ARHGAP42: variants seen among roughly 807,000 people sequenced by gnomAD.
ARHGAP42 encodes the protein rho GTPase-activating protein 42.
A neutral mutation model predicts 125.0 loss-of-function variants in ARHGAP42; 63 were observed. The ratio of observed to expected loss-of-function variants is 0.50; its 90% CI spans 0.41 to 0.62. The LOEUF is 0.62. Among genes scored for constraint, ARHGAP42 ranks in the 20% least tolerant of loss-of-function variants. ARHGAP42 has a pLI of 0.00. For missense variants in ARHGAP42, 766 were observed against 1,024.2 expected, an observed-to-expected ratio of 0.75 and a Z score of 3.44; for synonymous variants, 339 against 351.0, an observed-to-expected ratio of 0.97 and a Z score of 0.38.
Position 100,927,623 on chromosome 11 carries a change from G to T in ARHGAP42, c.598-5533G>T, listed in dbSNP as rs142622458. Reference sequence around the variant, plus strand: ...AGCTTCTGCTGGGCTTTATCAGCTTGCTGGTGACAGTACTTTCTCTATTAC... The same window carrying T: ...AGCTTCTGCTGGGCTTTATCAGCTTTCTGGTGACAGTACTTTCTCTATTAC... On this transcript the variant is annotated intron_variant, in intron 6 of 23. Coordinates refer to ENST00000298815, the MANE Select transcript of ARHGAP42 (RefSeq NM_152432.4). Among the ~76,000 whole-genome samples, 931 of 152,218 alleles carry T rather than the reference G, an allele frequency of 6.1e-3. 5 individuals carry two copies. The highest frequency in any genetic ancestry group is 0.021 in the African/African-American group (891 of 41,548).
Position 100,921,548 on chromosome 11 carries a change from T to C in ARHGAP42, c.541T>C (p.Tyr181His). 1 of 1,547,358 alleles carries C rather than the reference T, an allele frequency of 6.5e-7. No homozygotes were observed. The change falls in exon 6 of 24, where the codon TAT becomes CAT. Residue 181 changes from tyrosine (Y) to histidine (H), a missense_variant. This residue lies in a region of ARHGAP42 where 455 missense variants were observed against 636.5 expected (regional missense o/e 0.71). Coordinates refer to ENST00000298815, the MANE Select transcript of ARHGAP42 (RefSeq NM_152432.4). ...GAACTTCTATGAAGCATCATTAGAA[T>C]ATGTCTTTAAAATTCAAGAGGTCCA... ...HQNFYEASLE[Y>H]VFKIQEVQEK...
intron 3 of ARHGAP42, among the ~76,000 whole-genome samples, chr11:100,841,773 G>A (rs1355665921): frequency 6.6e-6 from 1 of 152,142 alleles, no homozygotes; most frequent in Non-Finnish European, 1.5e-5. Flanking sequence ...AGGCGGTTGA[G>A]GAGTTCTTGT....
At chr11:100,832,519 T>G (rs758081708) in intron 3 of ARHGAP42, among the ~76,000 whole-genome samples, 2 of 152,220 alleles carry the variant, frequency 1.3e-5, no homozygotes, top group Admixed American at 6.5e-5. Flanking sequence ...AATCTAAAAG[T>G]CTTCCTAACA....
chr11:100,744,649 T>C (rs1298038685), intron 1 of ARHGAP42, among the ~76,000 whole-genome samples: 2 of 152,224 alleles, frequency 1.3e-5, no homozygotes, highest in African/African-American at 4.8e-5. Context: ...CTAATTTGGC[T>C]CTTGCTTTTG....
rs2135339198 is a variant in ARHGAP42, at chr11:100,989,063, C to G, written c.*262C>G. 1 of 469,960 alleles carries G rather than the reference C, an allele frequency of 2.1e-6. No individual in the cohort carries two copies. The highest frequency in any genetic ancestry group is 5.6e-5 in the South Asian group (1 of 17,810). The allele number at this position is 469,960 out of a possible 1,614,324, so 29.1% of individuals were successfully genotyped here. A position where few individuals can be genotyped will look rare whatever the true frequency, so the allele number is the denominator to read the frequency against. On this transcript the variant is annotated 3_prime_UTR_variant, in exon 24 of 24. Coordinates refer to ENST00000298815, the MANE Select transcript of ARHGAP42 (RefSeq NM_152432.4). Reference sequence around the variant, plus strand: ...TTTTTGGATAATATGTAACTCTCCACAATGTCGCTTCCGTAGCAATTGTAG... The same window carrying G: ...TTTTTGGATAATATGTAACTCTCCAGAATGTCGCTTCCGTAGCAATTGTAG...
chr11:100,822,870 C>G (rs982978976), intron 3 of ARHGAP42, among the ~76,000 whole-genome samples: 2 of 152,046 alleles, frequency 1.3e-5, no homozygotes, highest in Non-Finnish European at 2.9e-5. Context: ...ACATATTTAT[C>G]CATATATAGC....
At chr11:100,844,211 T>C (rs1382236374) in intron 3 of ARHGAP42, among the ~76,000 whole-genome samples, 4 of 152,084 alleles carry the variant, frequency 2.6e-5, no homozygotes, top group South Asian at 2.1e-4. Context: ...GGACACCCCA[T>C]TGAACAAATG....
Position 100,714,390 on chromosome 11 carries a change from TG to T in ARHGAP42, c.154+26559del, listed in dbSNP as rs3222472. 7.5e-3 allele frequency among the ~76,000 whole-genome samples: 62 copies of T among 8,256 alleles called. 1 individual carries two copies. The African/African-American group carries it at 0.1, about 13-fold the overall frequency. The allele number at this position is 8,256 out of a possible 152,430, so 5.4% of individuals were successfully genotyped here. On this transcript the variant is annotated intron_variant, in intron 1 of 23. Transcript: ENST00000298815. ...CACTTACATGTAAAACATAAAAATT[TG>T]TGTGTGTGTGTGTGTGTGTGTGTGT...
rs1003734215 is a variant in ARHGAP42, at chr11:100,803,576, C to G, written c.312+8410C>G. On this transcript the variant is annotated intron_variant, in intron 3 of 23. Transcript: ENST00000298815. ...TGGCTTGGTCAAAGCCCCGTTTCTTCACTTGCATGTAGTAGAGATGTGGGA... is the reference window on the plus strand; with the variant it reads ...TGGCTTGGTCAAAGCCCCGTTTCTTGACTTGCATGTAGTAGAGATGTGGGA... 3.3e-5 allele frequency among the ~76,000 whole-genome samples: 5 copies of G among 152,190 alleles called. No individual in the cohort carries two copies. In the East Asian group the frequency reaches 7.7e-4, roughly 23 times the overall value.
intron 1 of ARHGAP42, among the ~76,000 whole-genome samples, chr11:100,766,522 TG>T (rs1225561688): frequency 2.6e-5 from 4 of 152,220 alleles, no homozygotes; most frequent in Admixed American, 2.6e-4. Context: ...TTCTGTTTTT[TG>T]TGCTGGGTCA....
chr11:100,765,616 G>A (rs1211670027), intron 1 of ARHGAP42, among the ~76,000 whole-genome samples: 1 of 152,086 alleles, frequency 6.6e-6, no homozygotes, highest in Non-Finnish European at 1.5e-5. Flanking sequence ...AGAATTTATC[G>A]ATTGCCCTCT....
intron 3 of ARHGAP42, among the ~76,000 whole-genome samples, chr11:100,844,527 G>A (rs1865017088): frequency 6.6e-6 from 1 of 151,826 alleles, no homozygotes; most frequent in Admixed American, 6.6e-5. Context: ...AGGATGGGAG[G>A]AAAATCTTTA....
chr11:100,788,384 A>C (rs997715903), intron 2 of ARHGAP42, among the ~76,000 whole-genome samples: 1 of 152,216 alleles, frequency 6.6e-6, no homozygotes, highest in Non-Finnish European at 1.5e-5. Context: ...TGTGTTTTTC[A>C]TGTGAGCCTT....
chr11:100,725,632 A>C (rs973265899), intron 1 of ARHGAP42, among the ~76,000 whole-genome samples: 2 of 105,034 alleles, frequency 1.9e-5, no homozygotes, highest in Non-Finnish European at 3.7e-5. Flanking sequence ...AAAAACAAAA[A>C]TAATAATAAA....
intron 3 of ARHGAP42, among the ~76,000 whole-genome samples, chr11:100,806,051 A>G (rs1255620793): frequency 2.0e-5 from 3 of 152,190 alleles, no homozygotes; most frequent in African/African-American, 7.2e-5. Context: ...CCCCTATTCA[A>G]GATGGACTTG....
At chr11:100,895,895 GATTGTT>G (rs1866344970) in intron 4 of ARHGAP42, among the ~76,000 whole-genome samples, 2 of 151,906 alleles carry the variant, frequency 1.3e-5, no homozygotes, top group East Asian at 3.9e-4. Flanking sequence ...CAACGTGTAG[GATTGTT>G]ACATAGGTAT....
At chr11:100,849,641 A>C (rs1865157080) in intron 3 of ARHGAP42, among the ~76,000 whole-genome samples, 1 of 152,092 alleles carries the variant, frequency 6.6e-6, no homozygotes, top group Admixed American at 6.6e-5. Context: ...TATTCAATCA[A>C]GGAATTATTT....
intron 9 of ARHGAP42, among the ~76,000 whole-genome samples, chr11:100,942,121 T>G (rs1867902505): frequency 6.6e-6 from 1 of 152,180 alleles, no homozygotes; most frequent in African/African-American, 2.4e-5. Context: ...GTAGGGATCC[T>G]TCAGTAGATT....
chr11:100,806,614 A>G (rs1460570848), intron 3 of ARHGAP42, among the ~76,000 whole-genome samples: 1 of 151,920 alleles, frequency 6.6e-6, no homozygotes, highest in Non-Finnish European at 1.5e-5. Flanking sequence ...ATAATAATAA[A>G]TCATCTCAGT....
Sources: gnomAD v4.1 joint callset for allele counts (sites outside exome capture counted in the v4.1 genomes callset) on GRCh38, gnomAD v4.1.1 for gene constraint, gnomAD v4.1.1 regional missense constraint, MANE v1.5 for transcripts, NCBI Gene and HGNC (gene_info 2026-07-23, HGNC 2026-07-21) for gene names.